Variants in GRB10 observed in about 807,000 individuals in gnomAD.
The protein encoded by GRB10 is growth factor receptor bound protein 10.
A neutral mutation model predicts 80.9 loss-of-function variants in GRB10; 20 were observed. The observed-to-expected ratio is 0.25, with a 90% CI of 0.17 to 0.36. The LOEUF (loss-of-function observed/expected upper bound fraction) is 0.36, where lower values mean the gene tolerates loss of function less well. Ranked by LOEUF, GRB10 falls within the 10% of genes least tolerant of loss-of-function variation. The pLI is 1.00. For synonymous variants in GRB10, 291 were observed against 291.5 expected (o/e 1.00, Z 0.02); for missense variants, 548 against 747.7 (o/e 0.73, Z 3.12).
intron 7 of GRB10, among the ~76,000 whole-genome samples, chr7:50,647,391 G>A (rs1358280306): frequency 6.6e-6 from 1 of 152,174 alleles, no homozygotes; most frequent in Non-Finnish European, 1.5e-5. Context: ...GAGTCAGATT[G>A]GCCGAACCTT....
chr7:50,601,717 C>T (rs1293383316), intron 17 of GRB10, among the ~76,000 whole-genome samples: 1 of 151,818 alleles, frequency 6.6e-6, no homozygotes, highest in Non-Finnish European at 1.5e-5. Context: ...CCTGTAATCT[C>T]AAATTTGAAT....
intron 12 of GRB10, 42 bp from the exon 13 acceptor site, chr7:50,612,881 A>G (rs1274427022): frequency 7.7e-7 from 1 of 1,306,494 alleles, no homozygotes; most frequent in African/African-American, 1.4e-5. Flanking sequence ...TTACACAGGG[A>G]GTCAGAAACA....
intron 6 of GRB10, among the ~76,000 whole-genome samples, chr7:50,670,303 T>C (rs2060227853): frequency 6.6e-6 from 1 of 152,104 alleles, no homozygotes; most frequent in South Asian, 2.1e-4. Context: ...CGCTGTTTAT[T>C]GGGGACAGAG....
At chr7:50,748,513 C>T (rs983361575) in intron 3 of GRB10, among the ~76,000 whole-genome samples, 3 of 152,274 alleles carry the variant, frequency 2.0e-5, no homozygotes, top group East Asian at 1.9e-4. Context: ...TGGGAGAATG[C>T]GGAGAAAATC....
chr7:50,619,357 A>G (rs2153583122), intron 8 of GRB10, 72 bp from the exon 9 acceptor site: 2 of 878,202 alleles, frequency 2.3e-6, no homozygotes, highest in South Asian at 1.3e-5. Context: ...ACCAAATGGA[A>G]GATTTGTTCA....
At chr7:50,722,036 AAGAC>A (rs1266411414) in intron 4 of GRB10, among the ~76,000 whole-genome samples, 1 of 152,154 alleles carries the variant, frequency 6.6e-6, no homozygotes, top group Non-Finnish European at 1.5e-5. Flanking sequence ...GATCAGGCCA[AAGAC>A]AGGCTGAGGA....
intron 18 of GRB10, among the ~76,000 whole-genome samples, chr7:50,594,957 A>G (rs1345216251): frequency 6.6e-6 from 1 of 152,194 alleles, no homozygotes; most frequent in Non-Finnish European, 1.5e-5. Flanking sequence ...CACCAGGACA[A>G]ATTACAAGAC....
At chr7:50,734,617 C>G (rs2070469726) in intron 3 of GRB10, among the ~76,000 whole-genome samples, 1 of 152,202 alleles carries the variant, frequency 6.6e-6, no homozygotes, top group Non-Finnish European at 1.5e-5. Context: ...AAGTTTCAAA[C>G]TTAATGTGTG....
At chr7:50,600,846 G>A (rs932718341) in intron 17 of GRB10, among the ~76,000 whole-genome samples, 11 of 152,288 alleles carry the variant, frequency 7.2e-5, no homozygotes, top group Non-Finnish European at 1.3e-4. Flanking sequence ...GGACTCTGGT[G>A]ATACTTCACA....
intron 18 of GRB10, among the ~76,000 whole-genome samples, chr7:50,593,974 CTTTCTTTCT>C (rs1250867984): frequency 2.7e-5 from 3 of 110,526 alleles, no homozygotes; most frequent in Non-Finnish European, 4.6e-5. Flanking sequence ...CGAAAGCCCC[CTTTCTTTCT>C]TTTTTTTTTT....
chr7:50,690,887 G>T (rs1022902417), intron 5 of GRB10, among the ~76,000 whole-genome samples: 1 of 152,192 alleles, frequency 6.6e-6, no homozygotes, highest in African/African-American at 2.4e-5. Context: ...CAGAGCATGG[G>T]GAAGGCGAAG....
intron 5 of GRB10, among the ~76,000 whole-genome samples, chr7:50,695,505 C>T (rs935207782): frequency 2.0e-5 from 3 of 152,206 alleles, no homozygotes; most frequent in Non-Finnish European, 4.4e-5. Flanking sequence ...GCAACCTTTA[C>T]TGACTTCAGT....
At chr7:50,599,949 A>C (rs1449414749) in intron 17 of GRB10, among the ~76,000 whole-genome samples, 2 of 152,164 alleles carry the variant, frequency 1.3e-5, no homozygotes, top group Non-Finnish European at 2.9e-5. Flanking sequence ...CCCGCCCCCA[A>C]GGTTCAGAAA....
At chr7:50,777,568 TAA>T (rs937988624) in intron 2 of GRB10, among the ~76,000 whole-genome samples, 2 of 152,050 alleles carry the variant, frequency 1.3e-5, no homozygotes, top group Non-Finnish European at 2.9e-5. Context: ...CTTTTTTTTT[TAA>T]GAGAGGACTG....
intron 4 of GRB10, among the ~76,000 whole-genome samples, chr7:50,711,949 G>A (rs1341087531): frequency 2.0e-5 from 3 of 152,114 alleles, no homozygotes; most frequent in African/African-American, 4.8e-5. Context: ...CTTGCCCAGC[G>A]AATCACATCT....
At chr7:50,748,117 T>G (rs1044781001) in intron 3 of GRB10, among the ~76,000 whole-genome samples, 1 of 152,188 alleles carries the variant, frequency 6.6e-6, no homozygotes, top group African/African-American at 2.4e-5. Flanking sequence ...TATTTCAGGA[T>G]GGGGAGGGAG....
intron 7 of GRB10, among the ~76,000 whole-genome samples, chr7:50,650,138 G>A (rs936919498): frequency 1.3e-5 from 2 of 152,210 alleles, no homozygotes; most frequent in African/African-American, 4.8e-5. Flanking sequence ...AAGGAGCAGA[G>A]AGATGAAGAG....
chr7:50,607,903 G>A (rs538868423), intron 13 of GRB10, among the ~76,000 whole-genome samples: 5 of 152,324 alleles, frequency 3.3e-5, no homozygotes, highest in African/African-American at 1.2e-4. Context: ...AGGAAGTGAA[G>A]TCATCAAGTG....
rs1052491212 is a variant in GRB10, at chr7:50,605,406, G to A, written c.1273C>T (p.Arg425Cys). The A allele has an allele frequency of 8.1e-6, 13 of 1,611,648 alleles. No individual in the cohort carries two copies. The East Asian group carries it at 1.3e-4, about 17-fold the overall frequency. ...ACGAGGGAGTTCTCGGAGACACTGC[G>A]CTGAAAAGGAAAGGCCGCAGTTCTT... is the stretch of plus-strand genomic sequence containing the variant. ...ALLSPFSTPV[R>C]SVSENSLVAM... Residue 425 changes from arginine to cysteine, a missense_variant and splice_region_variant, in exon 15 of 19, where the codon CGC (arginine) becomes TGC (cysteine). Arg to Cys is a radical substitution (Grantham distance 180, BLOSUM62 -3). Around this residue, in one of 4 missense-constraint regions of GRB10, gnomAD observed 270 missense variants for 433.6 expected, o/e 0.62. Transcript: ENST00000401949.
Sources: gnomAD v4.1 joint callset for allele counts (sites outside exome capture counted in the v4.1 genomes callset) on GRCh38, gnomAD v4.1.1 for gene constraint, gnomAD v4.1.1 regional missense constraint, MANE v1.5 for transcripts, NCBI Gene and HGNC (gene_info 2026-07-23, HGNC 2026-07-21) for gene names.